GANC: variants seen among roughly 807,000 people sequenced by gnomAD.
GANC encodes the protein glucosidase alpha, neutral C, also known as neutral alpha-glucosidase C.
A neutral mutation model predicts 124.2 loss-of-function variants in GANC; 117 were observed. The ratio of observed to expected loss-of-function variants is 0.94; its 90% CI spans 0.81 to 1.10. The LOEUF is 1.10. GANC is among the 50% of genes least tolerant of loss of function. The probability of loss-of-function intolerance (pLI) is 0.00; values close to 1 mark genes in which losing one functional copy is unlikely to be tolerated. For synonymous variants in GANC, 377 were observed against 376.8 expected, an observed-to-expected ratio of 1.00 and a Z score of -0.01; for missense variants, 1,140 against 1,095.0, an observed-to-expected ratio of 1.04 and a Z score of -0.58.
chr15:42,336,157 A>G (rs1408400454), intron 15 of GANC, among the ~76,000 whole-genome samples: 1 of 151,568 alleles, frequency 6.6e-6, no homozygotes, highest in Non-Finnish European at 1.5e-5. Context: ...AAAGAAAAAA[A>G]AAAGAGCCTG....
intron 4 of GANC, among the ~76,000 whole-genome samples, chr15:42,290,043 T>A (rs997590945): frequency 2.6e-5 from 4 of 152,244 alleles, no homozygotes. Context: ...TCAAAAATTA[T>A]GAGAAAATAA....
chr15:42,334,049 A>G (rs902148042), intron 15 of GANC, among the ~76,000 whole-genome samples: 19 of 152,186 alleles, frequency 1.2e-4, no homozygotes, highest in African/African-American at 4.3e-4. Flanking sequence ...CTGTGTGGGG[A>G]AAAAAATGAA....
intron 10 of GANC, 43 bp downstream of exon 10, chr15:42,310,889 T>G: frequency 1.3e-6 from 2 of 1,580,816 alleles, no homozygotes; most frequent in South Asian, 2.2e-5. Flanking sequence ...CTGTTACATA[T>G]CCAATGTCCC....
At chr15:42,322,586 G>C (rs1458612206) in intron 11 of GANC, among the ~76,000 whole-genome samples, 1 of 152,152 alleles carries the variant, frequency 6.6e-6, no homozygotes, top group African/African-American at 2.4e-5. Context: ...TTCTTTGTCA[G>C]CTTGTCCAGA....
intron 7 of GANC, among the ~76,000 whole-genome samples, chr15:42,307,185 T>A (rs1296619551): frequency 6.6e-6 from 1 of 152,130 alleles, no homozygotes; most frequent in Admixed American, 6.5e-5. Flanking sequence ...TTCTGTAGAA[T>A]AACAAACCCT....
intron 1 of GANC, among the ~76,000 whole-genome samples, chr15:42,275,044 A>G (rs370394716): frequency 7.2e-5 from 11 of 152,170 alleles, no homozygotes; most frequent in African/African-American, 2.4e-4. Flanking sequence ...TCGAAGCTGT[A>G]AAGAGGAAAC....
chr15:42,341,085 A>G (rs930620755), intron 18 of GANC, among the ~76,000 whole-genome samples: 1 of 151,844 alleles, frequency 6.6e-6, no homozygotes, highest in Non-Finnish European at 1.5e-5. Flanking sequence ...GATTAATTAC[A>G]GTCATTATAA....
intron 10 of GANC, among the ~76,000 whole-genome samples, chr15:42,316,647 A>G (rs1038939923): frequency 1.1e-4 from 16 of 152,222 alleles, no homozygotes; most frequent in Admixed American, 6.5e-4. Context: ...GCACAGCACT[A>G]CAGGGAGGGG....
chr15:42,312,055 C>G (rs2052055044), intron 10 of GANC, among the ~76,000 whole-genome samples: 1 of 152,092 alleles, frequency 6.6e-6, no homozygotes, highest in African/African-American at 2.4e-5. Context: ...AAAGACATCC[C>G]ATGTTCATAG....
rs560432572 is a variant in GANC, at chr15:42,288,954, A to G, written c.329+1136A>G. On this transcript the variant is annotated intron_variant, in intron 4 of 23. Coordinates refer to ENST00000318010, the MANE Select transcript of GANC (RefSeq NM_198141.3). Reference sequence around the variant, plus strand: ...CCTGAAGGATAGTACAGCCTTCACAATTTTTACACTTGTGTTCGTAAGTAA... The same window carrying G: ...CCTGAAGGATAGTACAGCCTTCACAGTTTTTACACTTGTGTTCGTAAGTAA... Among the ~76,000 whole-genome samples, 48 of 152,206 alleles carry G rather than the reference A, an allele frequency of 3.2e-4. No individual in the cohort carries two copies. In the South Asian group the frequency reaches 3.9e-3, roughly 12 times the overall value.
At chr15:42,313,240 C>T (rs1207183134) in intron 10 of GANC, among the ~76,000 whole-genome samples, 5 of 23,156 alleles carry the variant, frequency 2.2e-4, no homozygotes, top group African/African-American at 2.5e-4. Flanking sequence ...GTATCATATA[C>T]AAAAAAATAA....
At chr15:42,329,167 T>G in intron 13 of GANC, 139 bp from the exon 14 acceptor site, 1 of 817,056 alleles carries the variant, frequency 1.2e-6, no homozygotes, top group South Asian at 1.9e-5. Context: ...TTGTTCCCTG[T>G]GGAACTTATA....
At position 42,313,955 on chromosome 15, in the gene GANC, A is replaced by AAATAACAACAAC. The variant is rs1555414086; in HGVS notation, c.1057+3111_1057+3112insTAACAACAACAA. The AAATAACAACAAC allele has an allele frequency of 1.8e-5, 11 of 603,426 alleles. No homozygotes were observed. The African/African-American group carries it at 2.0e-4, about 11-fold the overall frequency. The allele number at this position is 603,426 out of a possible 1,614,324, so 37.4% of individuals were successfully genotyped here. A position where few individuals can be genotyped will look rare whatever the true frequency, so the allele number is the denominator to read the frequency against. On this transcript the variant is annotated intron_variant, in intron 10 of 23. Transcript: ENST00000318010. ...CAACAGAGCGAGACCCTATCTCTAAAAACAACAGCAACAACAACAACAAAA... is the reference window on the plus strand; with the variant it reads ...CAACAGAGCGAGACCCTATCTCTAAAAATAACAACAACAACAACAGCAACAACAACAACAAAA...
At chr15:42,285,873 A>G (rs2051782200) in intron 3 of GANC, among the ~76,000 whole-genome samples, 2 of 152,212 alleles carry the variant, frequency 1.3e-5, no homozygotes, top group South Asian at 4.1e-4. Flanking sequence ...TTAGATTGCT[A>G]AATTAAAATG....
chr15:42,324,263 TAAAA>T (rs144756412), intron 11 of GANC, among the ~76,000 whole-genome samples: 1 of 147,254 alleles, frequency 6.8e-6, no homozygotes, highest in South Asian at 2.2e-4. Flanking sequence ...GACTACTATT[TAAAA>T]AAAAAACAAA....
intron 7 of GANC, 47 bp downstream of exon 7, chr15:42,306,659 G>T: frequency 1.5e-6 from 2 of 1,331,478 alleles, no homozygotes; most frequent in Non-Finnish European, 2.1e-6. Flanking sequence ...TTCTAAAAAT[G>T]TCTACATAAT....
chr15:42,296,639 C>T (rs879684860), intron 5 of GANC, among the ~76,000 whole-genome samples: 20 of 152,070 alleles, frequency 1.3e-4, no homozygotes, highest in East Asian at 1.9e-4. Context: ...GTAATCTACC[C>T]GCATTGGCCT....
At chr15:42,307,681 G>A (rs1207354424) in intron 7 of GANC, among the ~76,000 whole-genome samples, 1 of 152,164 alleles carries the variant, frequency 6.6e-6, no homozygotes, top group Non-Finnish European at 1.5e-5. Context: ...TTTGGTTAAA[G>A]GAAATTTATA....
chr15:42,300,203 G>T (rs952612254), intron 6 of GANC, among the ~76,000 whole-genome samples: 1 of 152,062 alleles, frequency 6.6e-6, no homozygotes, highest in Non-Finnish European at 1.5e-5. Context: ...GAAAATTTTT[G>T]CAATCTACCC....
Sources: gnomAD v4.1 joint callset for allele counts (sites outside exome capture counted in the v4.1 genomes callset) on GRCh38, gnomAD v4.1.1 for gene constraint, MANE v1.5 for transcripts, NCBI Gene and HGNC (gene_info 2026-07-23, HGNC 2026-07-21) for gene names.